SDK1: variants seen among roughly 807,000 people sequenced by gnomAD.
SDK1 encodes the protein sidekick cell adhesion molecule 1.
Under a neutral mutation model 245.5 loss-of-function variants are expected in SDK1, and 157 were observed. The observed-to-expected ratio is 0.64, with a 90% CI of 0.56 to 0.73. The LOEUF (loss-of-function observed/expected upper bound fraction) is 0.73, where lower values mean the gene tolerates loss of function less well. Ranked by LOEUF, SDK1 falls within the 30% of genes least tolerant of loss-of-function variation. SDK1 has a pLI of 0.00. For synonymous variants in SDK1, 1,647 were observed against 1,278.5 expected, an observed-to-expected ratio of 1.29 and a Z score of -6.15; for missense variants, 3,583 against 3,002.3, an observed-to-expected ratio of 1.19 and a Z score of -4.52.
chr7:3,671,244 G>C (rs1402429651), intron 4 of SDK1, among the ~76,000 whole-genome samples: 1 of 152,150 alleles, frequency 6.6e-6, no homozygotes, highest in Non-Finnish European at 1.5e-5. Flanking sequence ...TCCTCTCACT[G>C]TCTCTTCATT....
In SDK1 at chr7:4,237,787, G is replaced by T; in HGVS notation, c.6130+3G>T. On this transcript the variant is annotated splice_donor_region_variant and intron_variant, in intron 42 of 44. Transcript: ENST00000404826. ...GAAGTATAAGAACTGCAGCACAGGT[G>T]CAGGTCCAGCCCCTTCCTCGCGTGT... is the stretch of plus-strand genomic sequence containing the variant. The T allele has an allele frequency of 6.2e-7, 1 of 1,614,164 alleles. No individual in the cohort carries two copies. Among genetic ancestry groups the T allele is most frequent in the Non-Finnish European group, 8.5e-7 (1 of 1,180,026 alleles).
Position 3,313,315 on chromosome 7 carries a change from G to A in SDK1, c.298+11431G>A, listed in dbSNP as rs559168209. On this transcript the variant is annotated intron_variant, in intron 1 of 44. Transcript: ENST00000404826. ...CCAGCTACTTGGGAGGCTGAAGCAG[G>A]ACAATTGCTTGAACCCTGGAGGCGG... is the stretch of plus-strand genomic sequence containing the variant. Among the ~76,000 whole-genome samples the A allele has an allele frequency of 5.9e-5, 9 of 152,330 alleles. No individual in the cohort carries two copies. The East Asian group carries it at 1.5e-3, about 26-fold the overall frequency.
intron 1 of SDK1, among the ~76,000 whole-genome samples, chr7:3,518,833 G>A (rs895461442): frequency 1.3e-5 from 2 of 152,066 alleles, no homozygotes; most frequent in African/African-American, 2.4e-5. Flanking sequence ...TTATCAAAGA[G>A]ATACCTGCAC....
intron 2 of SDK1, among the ~76,000 whole-genome samples, chr7:3,626,241 G>C (rs986058297): frequency 1.3e-5 from 2 of 151,994 alleles, no homozygotes; most frequent in Non-Finnish European, 2.9e-5. Flanking sequence ...CTTCCAGACC[G>C]AAAGGATTTT....
At chr7:3,454,390 G>GTGTA (rs1704558753) in intron 1 of SDK1, among the ~76,000 whole-genome samples, 1 of 136,740 alleles carries the variant, frequency 7.3e-6, no homozygotes, top group African/African-American at 3.0e-5. Flanking sequence ...CCCAAGATTT[G>GTGTA]TGTGTGTGTG....
intron 4 of SDK1, among the ~76,000 whole-genome samples, chr7:3,733,421 A>G (rs796457976): frequency 2.6e-5 from 4 of 152,340 alleles, no homozygotes; most frequent in African/African-American, 7.2e-5. Context: ...TAGAAACTAC[A>G]GATAATAAGA....
chr7:3,805,395 T>A (rs1753686409), intron 4 of SDK1, among the ~76,000 whole-genome samples: 2 of 152,234 alleles, frequency 1.3e-5, no homozygotes, highest in African/African-American at 2.4e-5. Context: ...GCCCCTTTCT[T>A]GGGTAGCGGG....
At chr7:3,317,472 C>T (rs1047698708) in intron 1 of SDK1, among the ~76,000 whole-genome samples, 4 of 152,084 alleles carry the variant, frequency 2.6e-5, no homozygotes, top group African/African-American at 9.7e-5. Context: ...GATTCTGCCC[C>T]TTCATCTTCG....
At chr7:4,038,005 G>C (rs926335037) in intron 17 of SDK1, among the ~76,000 whole-genome samples, 4 of 152,170 alleles carry the variant, frequency 2.6e-5, no homozygotes, top group African/African-American at 9.7e-5. Flanking sequence ...TGCCACCCAG[G>C]TCGGTTCTTC....
intron 1 of SDK1, among the ~76,000 whole-genome samples, chr7:3,468,935 C>G (rs1031970035): frequency 1.3e-5 from 2 of 152,132 alleles, no homozygotes; most frequent in African/African-American, 4.8e-5. Context: ...TCCCTTGACT[C>G]CTACAACTTT....
chr7:3,647,669 A>T (rs569700673), intron 4 of SDK1, among the ~76,000 whole-genome samples: 1 of 152,060 alleles, frequency 6.6e-6, no homozygotes, highest in Admixed American at 6.5e-5. Flanking sequence ...ACTTCAGGCA[A>T]TCCACCCGCC....
intron 1 of SDK1, among the ~76,000 whole-genome samples, chr7:3,360,003 C>T (rs1031313580): frequency 3.9e-5 from 6 of 152,168 alleles, no homozygotes; most frequent in Non-Finnish European, 5.9e-5. Flanking sequence ...AATATTACAA[C>T]ACTTTGTTTT....
chr7:4,144,074 G>A (rs1047405478), intron 28 of SDK1, among the ~76,000 whole-genome samples: 5 of 151,532 alleles, frequency 3.3e-5, no homozygotes, highest in Admixed American at 6.6e-5. Flanking sequence ...GAAACGGGAG[G>A]CCTGTGGGAA....
chr7:4,063,701 C>G (rs1779692057), intron 19 of SDK1, among the ~76,000 whole-genome samples: 1 of 151,860 alleles, frequency 6.6e-6, no homozygotes. Flanking sequence ...AGGAATCACA[C>G]TACCTATCTT....
intron 1 of SDK1, among the ~76,000 whole-genome samples, chr7:3,549,266 C>T (rs540915237): frequency 2.0e-5 from 3 of 152,270 alleles, no homozygotes; most frequent in South Asian, 2.1e-4. Flanking sequence ...TGTGAGGATG[C>T]GTTGTTTTTG....
chr7:3,645,981 C>T (rs188957606), intron 4 of SDK1, among the ~76,000 whole-genome samples: 126 of 152,224 alleles, frequency 8.3e-4, no homozygotes, highest in South Asian at 5.8e-3. Context: ...ACCTCAGCCT[C>T]CTGAGTAGCT....
chr7:3,765,605 A>G (rs1780231554), intron 4 of SDK1, among the ~76,000 whole-genome samples: 1 of 152,130 alleles, frequency 6.6e-6, no homozygotes, highest in African/African-American at 2.4e-5. Context: ...TTAATCTTCT[A>G]CTATTTCTAC....
chr7:4,266,487 C>T lies in SDK1; in HGVS notation c.*1103C>T. Reference sequence around the variant, plus strand: ...TTCTGCTGGCTGCTCGCAGCAGCCACCGCTTCTCCACCACTGGCGCTGCTG... The same window carrying T: ...TTCTGCTGGCTGCTCGCAGCAGCCATCGCTTCTCCACCACTGGCGCTGCTG... On this transcript the variant is annotated 3_prime_UTR_variant, in exon 45 of 45. Transcript: ENST00000404826. 1 of 985,376 alleles carries T rather than the reference C, an allele frequency of 1.0e-6. No individual in the cohort carries two copies. Among genetic ancestry groups the T allele is most frequent in the Non-Finnish European group, 1.2e-6 (1 of 829,886 alleles). The allele number at this position is 985,376 out of a possible 1,614,324, so 61.0% of individuals were successfully genotyped here.
chr7:3,363,099 C>T (rs1780996779), intron 1 of SDK1, among the ~76,000 whole-genome samples: 1 of 152,196 alleles, frequency 6.6e-6, no homozygotes, highest in Non-Finnish European at 1.5e-5. Flanking sequence ...CCACAAGGAT[C>T]TCTCATGTTG....
Sources: allele counts gnomAD v4.1 joint callset (sites outside exome capture counted in the v4.1 genomes callset), GRCh38; gene constraint gnomAD v4.1.1; transcripts MANE v1.5; gene names NCBI Gene and HGNC (gene_info 2026-07-23, HGNC 2026-07-21).